Variants in JAKMIP1 observed in about 807,000 individuals in gnomAD.
The protein encoded by JAKMIP1 is janus kinase and microtubule-interacting protein 1.
Under a neutral mutation model 113.0 loss-of-function variants are expected in JAKMIP1, and 33 were observed. The observed-to-expected ratio is 0.29, with a 90% confidence interval of 0.22 to 0.39. JAKMIP1 has a LOEUF of 0.39. Among genes scored for constraint, JAKMIP1 ranks in the 10% least tolerant of loss-of-function variants. The pLI is 1.00. For synonymous variants in JAKMIP1, 480 were observed against 459.9 expected (o/e 1.04, Z -0.56); for missense variants, 813 against 1,080.5 (o/e 0.75, Z 3.47).
chr4:6,154,182 C>G lies in JAKMIP1; in HGVS notation c.-147-41185G>C, dbSNP rs1229131960. Among the ~76,000 whole-genome samples the G allele has an allele frequency of 6.6e-6, 1 of 152,204 alleles. No homozygotes were observed. ...ACACTGACCCTCGCAGGAGGGAAGA[C>G]AGAGCGGAGCTGGACACAGGCGGAG... On this transcript the variant is annotated intron_variant, in intron 1 of 20. Coordinates refer to ENST00000409021, the MANE Select transcript of JAKMIP1 (RefSeq NM_001099433.2). This position sits in a 1 kb window ranked among gnomAD's most constrained non-coding sequence, Gnocchi z 4.2.
At chr4:6,087,939 G>C (rs1721527591) in intron 3 of JAKMIP1, among the ~76,000 whole-genome samples, 1 of 152,176 alleles carries the variant, frequency 6.6e-6, no homozygotes, top group Non-Finnish European at 1.5e-5. Context: ...CAAATCCCGA[G>C]TGTTGCAATT....
chr4:6,140,408 A>G lies in JAKMIP1; in HGVS notation c.-147-27411T>C, dbSNP rs1578360974. Among the ~76,000 whole-genome samples the G allele has an allele frequency of 6.6e-6, 1 of 152,122 alleles. No homozygotes were observed. The highest frequency in any genetic ancestry group is 1.9e-4 in the East Asian group (1 of 5,162). ...CAGGAGCACTGTCCCTGTTCCCCCA[A>G]AAGGCCCACCACAGACCCACCCCAG... is the stretch of plus-strand genomic sequence containing the variant. On this transcript the variant is annotated intron_variant, in intron 1 of 20. Transcript: ENST00000409021. This position sits in a 1 kb window ranked among gnomAD's most constrained non-coding sequence, Gnocchi z 9.4.
chr4:6,029,923 C>A, intron 19 of JAKMIP1, 142 bp from the exon 20 acceptor site: 1 of 653,862 alleles, frequency 1.5e-6, no homozygotes, highest in Middle Eastern at 3.5e-4. Context: ...GATACATGCA[C>A]AAGCCCATGT....
rs185778006 is a variant in JAKMIP1 at position 6,141,162 on chromosome 4, G to A, written c.-147-28165C>T. On this transcript the variant is annotated intron_variant, in intron 1 of 20. Transcript: ENST00000409021. This position sits in a 1 kb window ranked among gnomAD's most constrained non-coding sequence, Gnocchi z 9.4. ...TTTAAAGTGGTAGACGAGGCCGGGC[G>A]CAGTGGCTCATGCCTGTAATCCCAA... Among the ~76,000 whole-genome samples, 177 of 152,336 alleles carry A rather than the reference G, an allele frequency of 1.2e-3. No homozygotes were observed. Among genetic ancestry groups the A allele is most frequent in the African/African-American group, 4.0e-3 (165 of 41,562 alleles).
chr4:6,117,793 A>T (rs1716050299), intron 1 of JAKMIP1, among the ~76,000 whole-genome samples: 1 of 152,206 alleles, frequency 6.6e-6, no homozygotes, highest in Admixed American at 6.5e-5. Flanking sequence ...CCATGCTGAG[A>T]AAAGGAATTC....
rs181780876 is a variant in JAKMIP1, at chr4:6,119,819, C to T, written c.-147-6822G>A. ...CAAGGTGCAGATGGAAAAAGTAAGC[C>T]TCAGAAAGCAGAAGTGAGTTGCCCA... On this transcript the variant is annotated intron_variant, in intron 1 of 20. Coordinates refer to ENST00000409021, the MANE Select transcript of JAKMIP1 (RefSeq NM_001099433.2). Among the ~76,000 whole-genome samples, 519 of 152,312 alleles carry T rather than the reference C, an allele frequency of 3.4e-3. 1 individual carries two copies. The highest frequency in any genetic ancestry group is 0.012 in the African/African-American group (487 of 41,566).
rs1720418395 is a variant in JAKMIP1 at position 6,143,315 on chromosome 4, T to C, written c.-147-30318A>G. On this transcript the variant is annotated intron_variant, in intron 1 of 20. Coordinates refer to ENST00000409021, the MANE Select transcript of JAKMIP1 (RefSeq NM_001099433.2). This position sits in a 1 kb window ranked among gnomAD's most constrained non-coding sequence, Gnocchi z 4.9. ...CTTGGGGGCTTCCTGACTTCCTGTC[T>C]GAATCTCAGCCAATTCTGGGATCTG... Among the ~76,000 whole-genome samples the C allele has an allele frequency of 6.6e-6, 1 of 152,224 alleles. No individual in the cohort carries two copies. Among genetic ancestry groups the C allele is most frequent in the South Asian group, 2.1e-4 (1 of 4,830 alleles).
At chr4:6,196,999 C>T (rs1037749518) in intron 1 of JAKMIP1, among the ~76,000 whole-genome samples, 9 of 152,222 alleles carry the variant, frequency 5.9e-5, no homozygotes, top group Non-Finnish European at 1.2e-4. Context: ...GGGAGCCCCA[C>T]TTCTGAGTCC....
chr4:6,035,034 A>G (rs66944062), intron 19 of JAKMIP1, among the ~76,000 whole-genome samples: 37,526 of 152,108 alleles, frequency 0.25, 7,405 homozygotes, highest in African/African-American at 0.55. Context: ...CTGGGGCTCT[A>G]GCCTGCCCTC....
chr4:6,109,830 A>G (rs1714626987), intron 2 of JAKMIP1, among the ~76,000 whole-genome samples: 1 of 152,168 alleles, frequency 6.6e-6, no homozygotes, highest in Non-Finnish European at 1.5e-5. Context: ...GCAATTGTAA[A>G]GTTTGCATTT....
At chr4:6,134,515 T>C (rs1281963914) in intron 1 of JAKMIP1, among the ~76,000 whole-genome samples, 4 of 152,194 alleles carry the variant, frequency 2.6e-5, no homozygotes, top group Admixed American at 2.6e-4. Context: ...ATGCTTTAGC[T>C]GGCACCACTT....
rs200080387 is a variant in JAKMIP1 at position 6,085,555 on chromosome 4, G to A, written c.699C>T (p.Thr233=). 11 of 1,614,136 alleles carry A rather than the reference G, an allele frequency of 6.8e-6. No individual in the cohort carries two copies. The highest frequency in any genetic ancestry group is 2.2e-5 in the East Asian group (1 of 44,878). ...CCTCTTTCTGCAGAAGCAGCTTCTGGGTCTGCCCAGCCTGCACGCCAAGTT... is the reference window on the plus strand; with the variant it reads ...CCTCTTTCTGCAGAAGCAGCTTCTGAGTCTGCCCAGCCTGCACGCCAAGTT... ...EKELGVQAGQ[T]QKLLLQKEAL... Residue 233 remains threonine (T), a synonymous_variant, in exon 4 of 21, where the codon ACC becomes ACT. Transcript: ENST00000409021.
chr4:6,048,504 G>A (rs1362571498), intron 16 of JAKMIP1, among the ~76,000 whole-genome samples: 1 of 152,228 alleles, frequency 6.6e-6, no homozygotes, highest in African/African-American at 2.4e-5. Flanking sequence ...TATGAACCAT[G>A]TTAAATGGTA....
intron 1 of JAKMIP1, among the ~76,000 whole-genome samples, chr4:6,125,570 C>G: frequency 6.6e-6 from 1 of 151,442 alleles, no homozygotes; most frequent in East Asian, 2.0e-4. Flanking sequence ...TACAGAAACA[C>G]ACACACACAC....
At position 6,140,540 on chromosome 4, in the gene JAKMIP1, G is replaced by A. The variant is rs1719984779; in HGVS notation, c.-147-27543C>T. 6.6e-6 allele frequency among the ~76,000 whole-genome samples: 1 copy of A among 152,126 alleles called. No individual in the cohort carries two copies. The highest frequency in any genetic ancestry group is 6.5e-5 in the Admixed American group (1 of 15,284). On this transcript the variant is annotated intron_variant, in intron 1 of 20. Transcript: ENST00000409021. The surrounding 1 kb of genome is among the most constrained non-coding windows in gnomAD (Gnocchi z 9.4). ...ATAATGTGGCTCGGGTCTTTCTGCA[G>A]GGTCAGAGGGAAGTCGGCCCGCTAG...
Position 6,097,580 on chromosome 4 carries a change from C to T in JAKMIP1, c.624+7893G>A, listed in dbSNP as rs1015182594. On this transcript the variant is annotated intron_variant, in intron 3 of 20. Coordinates refer to ENST00000409021, the MANE Select transcript of JAKMIP1 (RefSeq NM_001099433.2). The surrounding 1 kb of genome is among the most constrained non-coding windows in gnomAD (Gnocchi z 4.3). The stretch of plus-strand genomic sequence containing the variant: ...TTCCACTTGTGACTTCATGTTGGCA[C>T]TCACAGAGTTTCAGATTTTGGAGCA... Among the ~76,000 whole-genome samples the T allele has an allele frequency of 3.3e-5, 5 of 152,166 alleles. No homozygotes were observed. The highest frequency in any genetic ancestry group is 5.9e-5 in the Non-Finnish European group (4 of 68,016).
intron 1 of JAKMIP1, among the ~76,000 whole-genome samples, chr4:6,134,327 G>C (rs1247173295): frequency 2.0e-5 from 3 of 152,186 alleles, no homozygotes; most frequent in African/African-American, 7.2e-5. Flanking sequence ...CCCAGTCTCA[G>C]GTAGTATCTT....
Position 6,051,895 on chromosome 4 carries a change from A to G in JAKMIP1, c.1807-1216T>C, listed in dbSNP as rs1402944380. ...TGGGGCAGCAGAGAAGACCTTTTCA[A>G]ATTACACCTTTAAATCAAACTGCTT... On this transcript the variant is annotated intron_variant, in intron 13 of 20. Coordinates refer to ENST00000409021, the MANE Select transcript of JAKMIP1 (RefSeq NM_001099433.2). This position sits in a 1 kb window ranked among gnomAD's most constrained non-coding sequence, Gnocchi z 5.0. Among the ~76,000 whole-genome samples the G allele has an allele frequency of 6.6e-6, 1 of 152,206 alleles. No homozygotes were observed. The highest frequency in any genetic ancestry group is 2.4e-5 in the African/African-American group (1 of 41,456).
intron 5 of JAKMIP1, 79 bp downstream of exon 5, chr4:6,084,767 T>C (rs1175770489): frequency 5.0e-6 from 7 of 1,411,886 alleles, no homozygotes; most frequent in Non-Finnish European, 6.6e-6. Flanking sequence ...ATTAACTTTC[T>C]GTGCAGGGCA....
Sources: gnomAD v4.1 joint callset for allele counts (sites outside exome capture counted in the v4.1 genomes callset) on GRCh38, gnomAD v4.1.1 for gene constraint, Gnocchi (gnomAD v3.1) non-coding constraint, MANE v1.5 for transcripts, NCBI Gene and HGNC (gene_info 2026-07-23, HGNC 2026-07-21) for gene names.